CD9: variants seen among roughly 807,000 people sequenced by gnomAD.
CD9 encodes the protein CD9 antigen.
Under a neutral mutation model 31.4 loss-of-function variants are expected in CD9, and 10 were observed. The observed-to-expected ratio is 0.32, with a 90% CI of 0.20 to 0.54. CD9 has a LOEUF of 0.54. CD9 is among the 20% of genes least tolerant of loss of function. The pLI is 0.94. For synonymous variants in CD9, 113 were observed against 114.1 expected (o/e 0.99, Z 0.06); for missense variants, 259 against 300.1 (o/e 0.86, Z 1.01).
In CD9 at chr12:6,232,476, G is replaced by T; in HGVS notation, c.176-156G>T. 1 of 659,550 alleles carries T rather than the reference G, an allele frequency of 1.5e-6. No homozygotes were observed. 40.9% of individuals were successfully genotyped at this position (659,550 alleles called of 1,614,324 possible). ...ACCTGGGGCAGAGGTGGAAGAGGAG[G>T]CTGTATTTTAAGGAAAGGGAACTTC... On this transcript the variant is annotated intron_variant, in intron 2 of 7. Transcript: ENST00000009180. The surrounding 1 kb of genome is among the most constrained non-coding windows in gnomAD (Gnocchi z 4.8).
At chr12:6,207,464 A>G (rs1946145438) in intron 1 of CD9, among the ~76,000 whole-genome samples, 1 of 152,208 alleles carries the variant, frequency 6.6e-6, no homozygotes, top group African/African-American at 2.4e-5. Flanking sequence ...GGTTAATTTA[A>G]TGAGTGCTCT....
chr12:6,237,059 A>G (rs1296283709), intron 7 of CD9, among the ~76,000 whole-genome samples: 1 of 151,876 alleles, frequency 6.6e-6, no homozygotes, highest in Non-Finnish European at 1.5e-5. Context: ...ACTCACTGCA[A>G]CCTCCGCCTC....
At chr12:6,230,349 G>A (rs1316524463) in intron 2 of CD9, among the ~76,000 whole-genome samples, 2 of 152,200 alleles carry the variant, frequency 1.3e-5, no homozygotes, top group South Asian at 2.1e-4. Context: ...AGCCCCATTA[G>A]GAGCATGTTC....
At chr12:6,236,396 T>C in intron 7 of CD9, 121 bp downstream of exon 7, 1 of 822,810 alleles carries the variant, frequency 1.2e-6, no homozygotes, top group Non-Finnish European at 2.0e-6. Flanking sequence ...CTCGTGCCCT[T>C]AGTATTTCCA....
intron 7 of CD9, among the ~76,000 whole-genome samples, chr12:6,237,125 G>A (rs972487634): frequency 8.5e-5 from 13 of 152,068 alleles, no homozygotes; most frequent in Admixed American, 2.0e-4. Context: ...GACTACAGGC[G>A]TGTGCCACCA....
At chr12:6,209,250 G>A (rs991695251) in intron 1 of CD9, among the ~76,000 whole-genome samples, 3 of 152,186 alleles carry the variant, frequency 2.0e-5, no homozygotes, top group Admixed American at 2.0e-4. Context: ...GTGAGCCACC[G>A]CACCGGGCTC....
chr12:6,210,027 TGAG>T (rs761676232), intron 1 of CD9, among the ~76,000 whole-genome samples: 9 of 152,208 alleles, frequency 5.9e-5, no homozygotes, highest in Non-Finnish European at 7.3e-5. Flanking sequence ...TCTTCTAGGA[TGAG>T]GAGGGACACT....
intron 2 of CD9, among the ~76,000 whole-genome samples, chr12:6,229,166 C>T (rs1283309202): frequency 6.6e-6 from 1 of 152,214 alleles, no homozygotes; most frequent in Non-Finnish European, 1.5e-5. Context: ...AGCAGCCTTT[C>T]CCAGCTCCCT....
Position 6,237,817 on chromosome 12 carries a change from G to C in CD9, c.676G>C (p.Glu226Gln), listed in dbSNP as rs753223924. The stretch of plus-strand genomic sequence containing the variant: ...GTGCTGTGCTATCCGCAGGAACCGC[G>C]AGATGGTCTAGAGTCAGCTTACATC... Reference protein sequence around the residue: ...ILCCAIRRNREMV With the variant: ...ILCCAIRRNRQMV The change falls in exon 8 of 8, where the codon GAG (glutamate) becomes CAG (glutamine). Residue 226 changes from glutamate (E) to glutamine (Q), a missense_variant. By Grantham distance (29) the Glu-to-Gln change is conservative (BLOSUM62 2). Transcript: ENST00000009180. The C allele has an allele frequency of 4.7e-5, 76 of 1,612,236 alleles. No individual in the cohort carries two copies. Among genetic ancestry groups the C allele is most frequent in the Non-Finnish European group, 5.9e-5 (70 of 1,178,452 alleles).
At chr12:6,201,396 G>A (rs909949500) in intron 1 of CD9, among the ~76,000 whole-genome samples, 3 of 152,228 alleles carry the variant, frequency 2.0e-5, no homozygotes, top group Admixed American at 6.5e-5. Context: ...TCAGGTGCCA[G>A]CCAGCTGCCC....
chr12:6,204,501 G>A (rs1946109328), intron 1 of CD9, among the ~76,000 whole-genome samples: 1 of 152,168 alleles, frequency 6.6e-6, no homozygotes. Flanking sequence ...AGCCCAGCTG[G>A]TGCTTTTCTT....
At chr12:6,231,652 A>C (rs1259243079) in intron 2 of CD9, among the ~76,000 whole-genome samples, 1 of 152,214 alleles carries the variant, frequency 6.6e-6, no homozygotes, top group African/African-American at 2.4e-5. Flanking sequence ...TTTGTGTCCC[A>C]GGAATTTGCA....
intron 1 of CD9, among the ~76,000 whole-genome samples, chr12:6,212,340 C>T (rs2070705335): frequency 1.3e-5 from 2 of 152,326 alleles, no homozygotes; most frequent in South Asian, 4.1e-4. Flanking sequence ...TCAGAAGGGG[C>T]AGCAGGGCCT....
intron 3 of CD9, 93 bp from the exon 4 acceptor site, chr12:6,233,319 G>A (rs537047257): frequency 1.1e-6 from 1 of 873,248 alleles, no homozygotes; most frequent in Non-Finnish European, 2.0e-6. Flanking sequence ...TGTTCCCAGG[G>A]AGTTGTCCTT....
intron 1 of CD9, among the ~76,000 whole-genome samples, chr12:6,219,884 G>A (rs1449842424): frequency 6.6e-6 from 1 of 152,254 alleles, no homozygotes; most frequent in Non-Finnish European, 1.5e-5. Context: ...ACACAGGAGA[G>A]GAGATCTGGG....
At chr12:6,212,761 T>G (rs1195178721) in intron 1 of CD9, among the ~76,000 whole-genome samples, 1 of 152,206 alleles carries the variant, frequency 6.6e-6, no homozygotes, top group Admixed American at 6.5e-5. Context: ...CATCTCAGTG[T>G]CTAGAGCACT....
intron 7 of CD9, chr12:6,236,827 C>T: frequency 4.4e-6 from 1 of 225,864 alleles, no homozygotes; most frequent in East Asian, 8.8e-5. Context: ...ACTGAGTCTT[C>T]CCCCACCCCC....
intron 1 of CD9, among the ~76,000 whole-genome samples, chr12:6,223,322 CGCAATCTCCGCTCACT>C (rs1457592355): frequency 2.0e-5 from 3 of 150,184 alleles, no homozygotes; most frequent in African/African-American, 7.4e-5. Flanking sequence ...AGTGCAGTGG[CGCAATCTCCGCTCACT>C]GCAAGCTCCG....
chr12:6,220,797 C>T (rs1946285132), intron 1 of CD9, among the ~76,000 whole-genome samples: 1 of 152,198 alleles, frequency 6.6e-6, no homozygotes, highest in South Asian at 2.1e-4. Context: ...TCATCCTCCT[C>T]CCCAGTTTCC....
Sources: allele counts gnomAD v4.1 joint callset (sites outside exome capture counted in the v4.1 genomes callset), GRCh38; gene constraint gnomAD v4.1.1; non-coding constraint Gnocchi (gnomAD v3.1); transcripts MANE v1.5; gene names NCBI Gene and HGNC (gene_info 2026-07-23, HGNC 2026-07-21).